The following MACROD1 variants were observed in gnomAD, a reference collection of about 807,000 sequenced individuals.
MACROD1 encodes ADP-ribose glycohydrolase MACROD1.
A neutral mutation model predicts 41.4 loss-of-function variants in MACROD1; 31 were observed. The ratio of observed to expected loss-of-function variants is 0.75; its 90% CI spans 0.56 to 1.01. The LOEUF is 1.01. Ranked by LOEUF, MACROD1 falls within the 50% of genes least tolerant of loss-of-function variation. The pLI is 0.00. For missense variants in MACROD1, 473 were observed against 460.0 expected (o/e 1.03, Z -0.26); for synonymous variants, 252 against 203.4 (o/e 1.24, Z -2.03).
chr11:64,150,203 G>C (rs749196542), intron 3 of MACROD1, among the ~76,000 whole-genome samples: 2 of 152,154 alleles, frequency 1.3e-5, no homozygotes, highest in Non-Finnish European at 2.9e-5. Context: ...TCCCCTCTCC[G>C]GATCCTAGAG....
At chr11:64,010,316 T>C (rs1370966685) in intron 4 of MACROD1, among the ~76,000 whole-genome samples, 11 of 120,672 alleles carry the variant, frequency 9.1e-5, no homozygotes, top group Non-Finnish European at 1.8e-5. Context: ...TTGGCTGGTA[T>C]GTTGTTTGGG....
intron 3 of MACROD1, among the ~76,000 whole-genome samples, chr11:64,061,085 C>T (rs1943894432): frequency 6.6e-6 from 1 of 152,208 alleles, no homozygotes; most frequent in Non-Finnish European, 1.5e-5. Flanking sequence ...TCCCAACCAC[C>T]TGAGAGCCTC....
intron 3 of MACROD1, among the ~76,000 whole-genome samples, chr11:64,038,705 G>T (rs1162835868): frequency 6.6e-6 from 1 of 152,208 alleles, no homozygotes; most frequent in Non-Finnish European, 1.5e-5. Flanking sequence ...ATGGGACTGT[G>T]TGGGTCTGGC....
At chr11:64,097,137 C>T (rs759704769) in intron 3 of MACROD1, among the ~76,000 whole-genome samples, 14 of 152,328 alleles carry the variant, frequency 9.2e-5, no homozygotes, top group East Asian at 5.8e-4. Flanking sequence ...ACTGTGAGGA[C>T]GGCAGCTTCA....
intron 4 of MACROD1, chr11:64,009,103 C>T (rs541432479): frequency 2.6e-5 from 4 of 152,258 alleles, no homozygotes; most frequent in Non-Finnish European, 4.4e-5. Context: ...CAAATCTCCC[C>T]GAGAAAGCCG....
intron 3 of MACROD1, among the ~76,000 whole-genome samples, chr11:64,054,742 T>G (rs1398829819): frequency 1.3e-5 from 2 of 152,172 alleles, no homozygotes; most frequent in East Asian, 3.9e-4. Context: ...GTTTCCTGCC[T>G]GAACCCCCAC....
At position 64,061,958 on chromosome 11, in the gene MACROD1, C is replaced by G. The variant is rs552246099; in HGVS notation, c.518-46677G>C. On this transcript the variant is annotated intron_variant, in intron 3 of 10. Transcript: ENST00000255681. ...TCAAATTCCTGGGCCTCTGCCACCA[C>G]CATGCCACCCCCACCCCCCTGCCCC... Among the ~76,000 whole-genome samples the G allele has an allele frequency of 8.7e-5, 13 of 148,938 alleles. No individual in the cohort carries two copies. In the South Asian group the frequency reaches 2.8e-3, roughly 32 times the overall value.
rs929025889 is a variant in MACROD1, at chr11:64,122,742, C to T, written c.517+28497G>A. Among the ~76,000 whole-genome samples, 9 of 152,298 alleles carry T rather than the reference C, an allele frequency of 5.9e-5. No homozygotes were observed. Among genetic ancestry groups the T allele is most frequent in the Non-Finnish European group, 8.8e-5 (6 of 68,036 alleles). On this transcript the variant is annotated intron_variant, in intron 3 of 10. Transcript: ENST00000255681. The surrounding 1 kb of genome is among the most constrained non-coding windows in gnomAD (Gnocchi z 4.0). ...CAGAGGCCAAGTGGGGGCCCTTCCCCGCTGCTGGTGCTGAAAGGTTCTAGC... is the reference window on the plus strand; with the variant it reads ...CAGAGGCCAAGTGGGGGCCCTTCCCTGCTGCTGGTGCTGAAAGGTTCTAGC...
chr11:64,152,186 C>T, intron 2 of MACROD1, 106 bp downstream of exon 2: 1 of 831,636 alleles, frequency 1.2e-6, no homozygotes, highest in African/African-American at 1.7e-5. Flanking sequence ...CTGCCTGCAG[C>T]AAGCACTCGA....
intron 3 of MACROD1, among the ~76,000 whole-genome samples, chr11:64,074,076 G>A (rs916622622): frequency 9.9e-5 from 15 of 152,144 alleles, no homozygotes; most frequent in African/African-American, 3.6e-4. Flanking sequence ...GGGGTGGGGG[G>A]AATACCCCCT....
chr11:64,006,513 T>A (rs1942916806), intron 4 of MACROD1, among the ~76,000 whole-genome samples: 2 of 152,142 alleles, frequency 1.3e-5, no homozygotes, highest in South Asian at 4.1e-4. Flanking sequence ...CGGGGTGAGA[T>A]CAGCTCCTTA....
Position 64,146,582 on chromosome 11 carries a change from T to C in MACROD1, c.517+4657A>G, listed in dbSNP as rs575625894. On this transcript the variant is annotated intron_variant, in intron 3 of 10. Transcript: ENST00000255681. This position sits in a 1 kb window ranked among gnomAD's most constrained non-coding sequence, Gnocchi z 4.7. ...CTGTGCCTGAGGGTGTGGGGGTTTG[T>C]TCCGTCCCTGCAACTTCAAGCCCTG... 1.7e-4 allele frequency among the ~76,000 whole-genome samples: 26 copies of C among 152,130 alleles called. No homozygotes were observed. Among genetic ancestry groups the C allele is most frequent in the African/African-American group, 5.8e-4 (24 of 41,492 alleles).
chr11:64,021,970 A>AGGGGGGG (rs1943162949), intron 3 of MACROD1, among the ~76,000 whole-genome samples: 1 of 2,662 alleles, frequency 3.8e-4, no homozygotes, highest in Non-Finnish European at 9.3e-4. Context: ...GGCGGCGGGC[A>AGGGGGGG]GTGGATCTGG....
intron 3 of MACROD1, among the ~76,000 whole-genome samples, chr11:64,065,789 CA>C (rs58096977): frequency 0.23 from 15,515 of 67,570 alleles, 1,539 homozygotes; most frequent in East Asian, 0.41. Flanking sequence ...GACTCCGCCT[CA>C]AAAAAAAAAA....
At chr11:64,063,213 C>T (rs902641637) in intron 3 of MACROD1, among the ~76,000 whole-genome samples, 7 of 152,034 alleles carry the variant, frequency 4.6e-5, no homozygotes, top group East Asian at 1.9e-4. Context: ...ACAGAGAGGT[C>T]GCTTACCCTC....
chr11:64,093,523 G>A (rs562090429), intron 3 of MACROD1, among the ~76,000 whole-genome samples: 1 of 152,334 alleles, frequency 6.6e-6, no homozygotes, highest in East Asian at 1.9e-4. Flanking sequence ...CCCACCTTTG[G>A]GCATCTCTGC....
intron 3 of MACROD1, chr11:64,138,497 C>G (rs1215914371): frequency 1.0e-6 from 1 of 985,198 alleles, no homozygotes; most frequent in Non-Finnish European, 1.2e-6. Context: ...CAAGGTAGCT[C>G]TTGCTTTTCA....
At chr11:64,091,626 TC>T in intron 3 of MACROD1, among the ~76,000 whole-genome samples, 1 of 151,966 alleles carries the variant, frequency 6.6e-6, no homozygotes, top group East Asian at 1.9e-4. Flanking sequence ...GCCGCCACCA[TC>T]CCCCCATCCG....
chr11:64,046,767 G>A (rs973121404), intron 3 of MACROD1, among the ~76,000 whole-genome samples: 4 of 152,186 alleles, frequency 2.6e-5, no homozygotes, highest in African/African-American at 7.2e-5. Flanking sequence ...CCAAAGTGCT[G>A]GGATTACAGG....
Sources: gnomAD v4.1 joint callset for allele counts (sites outside exome capture counted in the v4.1 genomes callset) on GRCh38, gnomAD v4.1.1 for gene constraint, Gnocchi (gnomAD v3.1) non-coding constraint, MANE v1.5 for transcripts, NCBI Gene and HGNC (gene_info 2026-07-23, HGNC 2026-07-21) for gene names.